Variants in DENND1B observed in about 807,000 individuals in gnomAD.
DENND1B encodes the protein DENN domain-containing protein 1B.
DENND1B carries 59 observed loss-of-function variants against 90.1 expected under a neutral mutation model. The ratio of observed to expected loss-of-function variants is 0.65; its 90% CI spans 0.53 to 0.81. The LOEUF is 0.81. Among genes scored for constraint, DENND1B ranks in the 40% least tolerant of loss-of-function variants. The pLI is 0.00. For synonymous variants in DENND1B, 337 were observed against 324.6 expected (o/e 1.04, Z -0.41); for missense variants, 862 against 912.6 (o/e 0.94, Z 0.71).
intron 15 of DENND1B, among the ~76,000 whole-genome samples, chr1:197,556,303 T>C (rs1671710875): frequency 6.6e-6 from 1 of 151,976 alleles, no homozygotes; most frequent in South Asian, 2.1e-4. Context: ...AACCTCAGCA[T>C]CATGCAACAT....
intron 2 of DENND1B, among the ~76,000 whole-genome samples, chr1:197,737,041 TTC>T (rs1355084775): frequency 2.0e-5 from 3 of 152,196 alleles, no homozygotes; most frequent in African/African-American, 7.2e-5. Context: ...AAAAAGCCTA[TTC>T]TGAGTCTAAA....
chr1:197,713,787 A>AT (rs1660225402), intron 3 of DENND1B, among the ~76,000 whole-genome samples: 3 of 19,506 alleles, frequency 1.5e-4, no homozygotes, highest in East Asian at 4.7e-3. Flanking sequence ...ATATTATATT[A>AT]TAATATTATT....
At chr1:197,642,965 T>A (rs923103441) in intron 9 of DENND1B, 144 bp from the exon 10 acceptor site, 23 of 560,772 alleles carry the variant, frequency 4.1e-5, no homozygotes, top group Middle Eastern at 4.8e-4. Context: ...AGTGTAATAC[T>A]AGTCGGCTGC....
intron 15 of DENND1B, among the ~76,000 whole-genome samples, chr1:197,561,126 C>T (rs1672126099): frequency 6.6e-6 from 1 of 152,076 alleles, no homozygotes; most frequent in Non-Finnish European, 1.5e-5. Flanking sequence ...CTTGACCCCA[C>T]TTACTTCTCT....
At chr1:197,702,076 G>A (rs1307056126) in intron 3 of DENND1B, among the ~76,000 whole-genome samples, 1 of 151,998 alleles carries the variant, frequency 6.6e-6, no homozygotes, top group Non-Finnish European at 1.5e-5. Context: ...AGATTATAAA[G>A]CCTCATAAAT....
intron 15 of DENND1B, among the ~76,000 whole-genome samples, chr1:197,570,389 G>C (rs1673047452): frequency 6.6e-6 from 1 of 152,078 alleles, no homozygotes; most frequent in Non-Finnish European, 1.5e-5. Context: ...TAAGTACTCA[G>C]ATGTTTCCTC....
intron 10 of DENND1B, among the ~76,000 whole-genome samples, chr1:197,628,668 T>A (rs1278643946): frequency 6.6e-6 from 1 of 151,868 alleles, no homozygotes; most frequent in Non-Finnish European, 1.5e-5. Flanking sequence ...AAGCCAAAAT[T>A]GACAAATGGG....
intron 2 of DENND1B, chr1:197,735,686 CGGG>C (rs777544307): frequency 1.2e-6 from 2 of 1,614,090 alleles, no homozygotes; most frequent in Admixed American, 3.3e-5. Context: ...ACCCCGGACA[CGGG>C]AGGCGCTACG....
chr1:197,728,728 T>C (rs1286877385), intron 2 of DENND1B, among the ~76,000 whole-genome samples: 1 of 152,188 alleles, frequency 6.6e-6, no homozygotes, highest in African/African-American at 2.4e-5. Context: ...AAATTAATCT[T>C]AAGAGTTCTT....
At chr1:197,701,275 T>C (rs1659001189) in intron 3 of DENND1B, among the ~76,000 whole-genome samples, 1 of 152,218 alleles carries the variant, frequency 6.6e-6, no homozygotes, top group Admixed American at 6.5e-5. Context: ...TAATGTCCTT[T>C]GCAGGGACAT....
rs909416195 is a variant in DENND1B, at chr1:197,744,868, GA to G, written c.82+27999del. Reference sequence around the variant, plus strand: ...CCACCTTCATCAATGATCTTAGCTAGATCTTCTGGATAACTTGCTACAGCTT... The same window carrying G: ...CCACCTTCATCAATGATCTTAGCTAGTCTTCTGGATAACTTGCTACAGCTT... On this transcript the variant is annotated intron_variant, in intron 2 of 22. Transcript: ENST00000620048. 8.8e-4 allele frequency among the ~76,000 whole-genome samples: 134 copies of G among 152,216 alleles called. 13 individuals are homozygous for G. Among genetic ancestry groups the G allele is most frequent in the Non-Finnish European group, 1.5e-5 (1 of 68,042 alleles).
chr1:197,601,640 T>C (rs1368671785), intron 13 of DENND1B, among the ~76,000 whole-genome samples: 4 of 151,582 alleles, frequency 2.6e-5, no homozygotes, highest in Admixed American at 1.3e-4. Context: ...AGGAACTTCA[T>C]TGAGCACTTA....
chr1:197,749,720 AT>A lies in DENND1B; in HGVS notation c.82+23147del, dbSNP rs572219658. Among the ~76,000 whole-genome samples the A allele has an allele frequency of 2.1e-3, 316 of 150,866 alleles. 2 individuals are homozygous for A. Among genetic ancestry groups the A allele is most frequent in the Non-Finnish European group, 1.8e-3 (121 of 67,654 alleles). On this transcript the variant is annotated intron_variant, in intron 2 of 22. Transcript: ENST00000620048. Reference sequence around the variant, plus strand: ...AAATGGTAAATAGTAGGTACATAAGATTTTTTTTTTCATTTCTTAACTTTTT... The same window carrying A: ...AAATGGTAAATAGTAGGTACATAAGATTTTTTTTTCATTTCTTAACTTTTT...
chr1:197,768,349 G>C (rs1397291847), intron 2 of DENND1B, among the ~76,000 whole-genome samples: 1 of 152,072 alleles, frequency 6.6e-6, no homozygotes, highest in East Asian at 1.9e-4. Context: ...AGAGTACCAA[G>C]GCCACTTCCC....
chr1:197,716,416 A>T (rs1660652367), intron 2 of DENND1B, among the ~76,000 whole-genome samples: 2 of 151,528 alleles, frequency 1.3e-5, no homozygotes, highest in Non-Finnish European at 1.5e-5. Context: ...TTAAATGATT[A>T]TATCCTCATG....
At chr1:197,702,694 T>A (rs1659155344) in intron 3 of DENND1B, among the ~76,000 whole-genome samples, 1 of 152,188 alleles carries the variant, frequency 6.6e-6, no homozygotes, top group Non-Finnish European at 1.5e-5. Flanking sequence ...TGTTCACTTT[T>A]CCTATTTTAC....
At chr1:197,590,701 T>C (rs1476595214) in intron 14 of DENND1B, among the ~76,000 whole-genome samples, 1 of 152,172 alleles carries the variant, frequency 6.6e-6, no homozygotes, top group African/African-American at 2.4e-5. Flanking sequence ...AGTATCTGTA[T>C]AGGGATATGC....
intron 3 of DENND1B, 41 bp downstream of exon 3, chr1:197,714,990 A>T: frequency 6.8e-7 from 1 of 1,475,552 alleles, no homozygotes; most frequent in Non-Finnish European, 9.5e-7. Flanking sequence ...CAATCATAAT[A>T]CTTCAACTTT....
chr1:197,570,757 T>C (rs2125731782), intron 15 of DENND1B, among the ~76,000 whole-genome samples: 1 of 152,294 alleles, frequency 6.6e-6, no homozygotes, highest in East Asian at 1.9e-4. Context: ...TTGTTATCAC[T>C]GTAATAAGCA....
Sources: gnomAD v4.1 joint callset for allele counts (sites outside exome capture counted in the v4.1 genomes callset) on GRCh38, gnomAD v4.1.1 for gene constraint, MANE v1.5 for transcripts, NCBI Gene and HGNC (gene_info 2026-07-23, HGNC 2026-07-21) for gene names.